METTL8: variants seen among roughly 807,000 people sequenced by gnomAD.
METTL8 encodes the protein tRNA N(3)-cytidine methyltransferase METTL8, mitochondrial.
A neutral mutation model predicts 48.7 loss-of-function variants in METTL8; 32 were observed. That is an observed-to-expected ratio of 0.66 (90% CI 0.50 to 0.88). The LOEUF (loss-of-function observed/expected upper bound fraction) is 0.88, where lower values mean the gene tolerates loss of function less well. Ranked by LOEUF, METTL8 falls within the 40% of genes least tolerant of loss-of-function variation. The pLI, the probability that METTL8 is intolerant of heterozygous loss-of-function variation, is 0.00. For missense variants in METTL8, 464 were observed against 474.4 expected (o/e 0.98, Z 0.20); for synonymous variants, 136 against 157.1 (o/e 0.87, Z 1.01).
intron 1 of METTL8, among the ~76,000 whole-genome samples, chr2:171,400,111 T>C (rs1227510267): frequency 1.3e-5 from 2 of 152,096 alleles, no homozygotes; most frequent in Admixed American, 6.6e-5. Context: ...CAGTATATTA[T>C]CTTATTTAGC....
chr2:171,351,395 G>C (rs545598314), intron 3 of METTL8, among the ~76,000 whole-genome samples: 1 of 152,172 alleles, frequency 6.6e-6, no homozygotes, highest in South Asian at 2.1e-4. Context: ...GTCAGGTAGC[G>C]TGATGCCTCC....
chr2:171,395,573 G>T (rs1261741877), intron 1 of METTL8, among the ~76,000 whole-genome samples: 1 of 152,126 alleles, frequency 6.6e-6, no homozygotes, highest in Non-Finnish European at 1.5e-5. Flanking sequence ...AGACTTCAAT[G>T]AAAAGACTAT....
At chr2:171,327,344 T>C (rs1685059356) in intron 7 of METTL8, among the ~76,000 whole-genome samples, 1 of 152,214 alleles carries the variant, frequency 6.6e-6, no homozygotes, top group African/African-American at 2.4e-5. Context: ...AGTGACAGCA[T>C]CGGCTGCCTA....
intron 3 of METTL8, among the ~76,000 whole-genome samples, chr2:171,348,990 T>C (rs1683591215): frequency 6.6e-6 from 1 of 152,164 alleles, no homozygotes; most frequent in African/African-American, 2.4e-5. Context: ...TTTAAAAAAA[T>C]TGTGATTACA....
At chr2:171,347,110 G>C (rs1683349702) in intron 3 of METTL8, among the ~76,000 whole-genome samples, 2 of 152,294 alleles carry the variant, frequency 1.3e-5, no homozygotes, top group South Asian at 4.2e-4. Context: ...TGTTACAGAG[G>C]GGATGCAGAA....
intron 1 of METTL8, among the ~76,000 whole-genome samples, chr2:171,425,105 T>G (rs1234893422): frequency 6.6e-6 from 1 of 152,146 alleles, no homozygotes; most frequent in Non-Finnish European, 1.5e-5. Context: ...AAGAAGGGTG[T>G]GTTTGCTTCT....
At chr2:171,397,658 A>T (rs903149845) in intron 1 of METTL8, among the ~76,000 whole-genome samples, 19 of 152,054 alleles carry the variant, frequency 1.2e-4, no homozygotes, top group Admixed American at 1.2e-3. Context: ...AAGATTAATA[A>T]AACTGATAAA....
intron 5 of METTL8, among the ~76,000 whole-genome samples, chr2:171,334,754 A>G (rs1685907772): frequency 6.6e-6 from 1 of 152,236 alleles, no homozygotes; most frequent in South Asian, 2.1e-4. Context: ...TTAGGGAGTG[A>G]GGAACCAAGA....
intron 1 of METTL8, among the ~76,000 whole-genome samples, chr2:171,402,160 G>A (rs888031444): frequency 4.6e-5 from 7 of 152,084 alleles, no homozygotes; most frequent in African/African-American, 7.2e-5. Context: ...AACATTCCAC[G>A]GAGAGAAGGG....
At chr2:171,408,037 A>C (rs1176195700) in intron 1 of METTL8, among the ~76,000 whole-genome samples, 9 of 152,214 alleles carry the variant, frequency 5.9e-5, no homozygotes, top group Admixed American at 2.6e-4. Flanking sequence ...GTAAAACATC[A>C]GCAGTCACAC....
intron 1 of METTL8, among the ~76,000 whole-genome samples, chr2:171,432,076 ACAGT>A (rs934108013): frequency 6.6e-6 from 1 of 152,070 alleles, no homozygotes. Flanking sequence ...GGCTGAGCCC[ACAGT>A]CAGGTGGCCA....
chr2:171,370,501 C>G (rs1163126589), intron 2 of METTL8, among the ~76,000 whole-genome samples: 1 of 152,036 alleles, frequency 6.6e-6, no homozygotes, highest in Non-Finnish European at 1.5e-5. Flanking sequence ...GTTCTCAAAA[C>G]AGCATACGGG....
intron 3 of METTL8, among the ~76,000 whole-genome samples, chr2:171,346,380 C>CA (rs1173222848): frequency 2.0e-5 from 3 of 152,264 alleles, no homozygotes; most frequent in African/African-American, 7.2e-5. Flanking sequence ...CATCCTGCAG[C>CA]AAGACTATTA....
chr2:171,376,368 T>A (rs772450950), intron 2 of METTL8, among the ~76,000 whole-genome samples: 10 of 152,046 alleles, frequency 6.6e-5, no homozygotes, highest in Non-Finnish European at 1.2e-4. Flanking sequence ...TTCACACTTA[T>A]CATAAAGGGC....
chr2:171,420,452 G>A (rs1349998665), intron 1 of METTL8, among the ~76,000 whole-genome samples: 1 of 152,178 alleles, frequency 6.6e-6, no homozygotes, highest in Non-Finnish European at 1.5e-5. Context: ...TAAACTAAAA[G>A]TATAATAAAG....
chr2:171,410,817 T>C (rs1690673835), intron 1 of METTL8, among the ~76,000 whole-genome samples: 2 of 152,220 alleles, frequency 1.3e-5, no homozygotes, highest in Non-Finnish European at 2.9e-5. Flanking sequence ...GCTTCTGGTA[T>C]GTTATTTCCT....
intron 3 of METTL8, among the ~76,000 whole-genome samples, chr2:171,355,356 G>A (rs1308929675): frequency 1.3e-5 from 2 of 151,992 alleles, no homozygotes; most frequent in Non-Finnish European, 2.9e-5. Flanking sequence ...GTACCTGTCC[G>A]TATGAGGTGT....
In METTL8 at chr2:171,320,242, CT is replaced by C. The variant is rs1684460864; in HGVS notation, c.*3929del. ...AGACTGACCAGGCAAGCAGAAGACA[CT>C]GGTGGAAATGGCCCTGCTGCGCAGC... On this transcript the variant is annotated 3_prime_UTR_variant, in exon 10 of 10. Transcript: ENST00000375258. 1 of 151,726 alleles carries C rather than the reference CT, an allele frequency of 6.6e-6. No individual in the cohort carries two copies. Among genetic ancestry groups the C allele is most frequent in the South Asian group, 2.1e-4 (1 of 4,784 alleles). 9.4% of individuals were successfully genotyped at this position (151,726 alleles called of 1,614,324 possible). A position where few individuals can be genotyped will look rare whatever the true frequency, so the allele number is the denominator to read the frequency against.
At chr2:171,348,509 C>A (rs1683538029) in intron 3 of METTL8, among the ~76,000 whole-genome samples, 1 of 152,072 alleles carries the variant, frequency 6.6e-6, no homozygotes, top group Admixed American at 6.6e-5. Context: ...CTGATGTTGC[C>A]ACAAGAGTGA....
Sources: gnomAD v4.1 joint callset for allele counts (sites outside exome capture counted in the v4.1 genomes callset) on GRCh38, gnomAD v4.1.1 for gene constraint, MANE v1.5 for transcripts, NCBI Gene and HGNC (gene_info 2026-07-23, HGNC 2026-07-21) for gene names.